Variants in SEMA4C observed in about 807,000 individuals in gnomAD.
SEMA4C encodes the protein semaphorin-4C.
In SEMA4C, 19 loss-of-function variants were observed where a neutral mutation model predicts 89.0. That is an observed-to-expected ratio of 0.21 (90% CI 0.15 to 0.31). SEMA4C has a LOEUF of 0.31. Among genes scored for constraint, SEMA4C ranks in the 10% least tolerant of loss-of-function variants. The pLI is 1.00. For synonymous variants in SEMA4C, 428 were observed against 472.7 expected (o/e 0.91, Z 1.23); for missense variants, 811 against 1,107.0 (o/e 0.73, Z 3.79).
intron 5 of SEMA4C, 40 bp from the exon 6 acceptor site, chr2:96,865,577 G>A: frequency 6.2e-7 from 1 of 1,602,654 alleles, no homozygotes; most frequent in South Asian, 1.1e-5. Flanking sequence ...ATGCTTAAGG[G>A]CAGGGCTCTG....
At position 96,861,684 on chromosome 2, in the gene SEMA4C, C is replaced by T. The variant is rs1231116503; in HGVS notation, c.1602-35G>A. The T allele has an allele frequency of 6.3e-7, 1 of 1,597,254 alleles. No homozygotes were observed. The highest frequency in any genetic ancestry group is 1.1e-5 in the South Asian group (1 of 89,340). ...GATGTAGGGTACATCAGCAGCCTGG[C>T]TCCAACCACCCTGAGTCCCTGGAGG... On this transcript the variant is annotated intron_variant, in intron 13 of 14. Transcript: ENST00000305476. This position sits in a 1 kb window ranked among gnomAD's most constrained non-coding sequence, Gnocchi z 7.8.
upstream of SEMA4C, chr2:96,870,134 G>C (rs1004050230): frequency 4.7e-5 from 46 of 974,764 alleles, no homozygotes; most frequent in Non-Finnish European, 4.5e-5. Flanking sequence ...TGGGGGGGTC[G>C]AGCGGAGGCC....
chr2:96,864,127 G>A lies in SEMA4C; in HGVS notation c.1129C>T (p.Arg377Cys), dbSNP rs769799385. The change falls in exon 11 of 15, where the codon CGC becomes TGC. Residue 377 changes from arginine (R) to cysteine (C), a missense_variant. Coordinates refer to ENST00000305476, the MANE Select transcript of SEMA4C (RefSeq NM_017789.5). This position sits in a 1 kb window ranked among gnomAD's most constrained non-coding sequence, Gnocchi z 6.3. Reference protein sequence around the residue: ...PGSCINNWHRRHGYTSSLELP... With the variant: ...PGSCINNWHRCHGYTSSLELP... ...TCCAGGGAGCTGGTGTAGCCGTGGC[G>A]CCGATGCCAGTTGTTAATGCACTGG... is the stretch of plus-strand genomic sequence containing the variant. 4.3e-6 allele frequency: 7 copies of A among 1,612,670 alleles called. No individual in the cohort carries two copies. Among genetic ancestry groups the A allele is most frequent in the Admixed American group, 1.7e-5 (1 of 60,010 alleles).
At chr2:96,867,295 C>T (rs574264821) in intron 2 of SEMA4C, among the ~76,000 whole-genome samples, 3 of 152,206 alleles carry the variant, frequency 2.0e-5, no homozygotes, top group Non-Finnish European at 4.4e-5. Context: ...CCTGACATCA[C>T]CTTTCACACG....
chr2:96,867,828 C>T lies in SEMA4C; in HGVS notation c.59G>A (p.Gly20Glu). 1 of 1,613,746 alleles carries T rather than the reference C, an allele frequency of 6.2e-7. No individual in the cohort carries two copies. The highest frequency in any genetic ancestry group is 8.5e-7 in the Non-Finnish European group (1 of 1,179,964). The change falls in exon 2 of 15, where the codon GGG becomes GAG. Residue 20 changes from glycine (G) to glutamate (E), a missense_variant. This residue lies in a region of SEMA4C where 119 missense variants were observed against 152.7 expected (regional missense o/e 0.78). Transcript: ENST00000305476. ...LAARLWGLGI[G>E]AEVWWNLVPR... ...CACAAGGTTCCACCACACCTCAGCCCCAATGCCCAGGCCCCACAGCCTTGC... is the reference window on the plus strand; with the variant it reads ...CACAAGGTTCCACCACACCTCAGCCTCAATGCCCAGGCCCCACAGCCTTGC...
At position 96,865,555 on chromosome 2, in the gene SEMA4C, G is replaced by A. The variant is rs373516108; in HGVS notation, c.421-18C>T. The A allele has an allele frequency of 9.9e-6, 16 of 1,611,824 alleles. No individual in the cohort carries two copies. The African/African-American group carries it at 2.1e-4, about 21-fold the overall frequency. On this transcript the variant is annotated intron_variant, in intron 5 of 14. Transcript: ENST00000305476. The stretch of plus-strand genomic sequence containing the variant: ...AGCATGTTCTAAGGACAGAGAGAGA[G>A]GTGATGAGGAGATGCTTAAGGGCAG...
Position 96,860,569 on chromosome 2 carries a change from G to A in SEMA4C, c.*57C>T. The A allele has an allele frequency of 1.3e-6, 2 of 1,483,390 alleles. No individual in the cohort carries two copies. Among genetic ancestry groups the A allele is most frequent in the East Asian group, 2.3e-5 (1 of 44,020 alleles). 91.9% of individuals were successfully genotyped at this position (1,483,390 alleles called of 1,614,324 possible). ...CATGTCCCTGAGGTAGCTGGTGCCT[G>A]TGCAAAAGTAGGAGCTACACCTCCC... On this transcript the variant is annotated 3_prime_UTR_variant, in exon 15 of 15. Coordinates refer to ENST00000305476, the MANE Select transcript of SEMA4C (RefSeq NM_017789.5).
chr2:96,866,651 G>A (rs1379732299), intron 2 of SEMA4C: 2 of 699,792 alleles, frequency 2.9e-6, no homozygotes. Context: ...CAGGCTGCTG[G>A]GAGGAAGGAA....
chr2:96,864,580 C>T lies in SEMA4C; in HGVS notation c.962+125G>A. 2.2e-6 allele frequency: 3 copies of T among 1,379,370 alleles called. No homozygotes were observed. The highest frequency in any genetic ancestry group is 3.0e-6 in the Non-Finnish European group (3 of 1,012,228). 85.4% of individuals were successfully genotyped at this position (1,379,370 alleles called of 1,614,324 possible). On this transcript the variant is annotated intron_variant, in intron 9 of 14. Transcript: ENST00000305476. This position sits in a 1 kb window ranked among gnomAD's most constrained non-coding sequence, Gnocchi z 6.3. ...TGAAAGGGGCAGGTGCCAGCATTCT[C>T]CTTGGCTTCTGGACACCTGGCTTCC...
In SEMA4C at chr2:96,861,917, GA is replaced by G; in HGVS notation, c.1444-24del. 1 of 1,587,588 alleles carries G rather than the reference GA, an allele frequency of 6.3e-7. No individual in the cohort carries two copies. Among genetic ancestry groups the G allele is most frequent in the Non-Finnish European group, 8.6e-7 (1 of 1,168,048 alleles). On this transcript the variant is annotated intron_variant, in intron 12 of 14. Transcript: ENST00000305476. This position sits in a 1 kb window ranked among gnomAD's most constrained non-coding sequence, Gnocchi z 7.8. The stretch of plus-strand genomic sequence containing the variant: ...CTTCTGCGAGAAAAGCGGGGCGCAG[GA>G]GGGGGGTCGGCCAGGGCCACACCAC...
chr2:96,869,501 C>A (rs2080160021), intron 1 of SEMA4C: 2 of 985,316 alleles, frequency 2.0e-6, no homozygotes, highest in South Asian at 4.7e-5. Flanking sequence ...GCAGGGAAAT[C>A]CGATCCCACA....
rs978374370 is a variant in SEMA4C at position 96,864,923 on chromosome 2, C to T, written c.786+41G>A. On this transcript the variant is annotated intron_variant, in intron 8 of 14. Transcript: ENST00000305476. This position sits in a 1 kb window ranked among gnomAD's most constrained non-coding sequence, Gnocchi z 6.3. ...GACACTGCCGGTCAGCCCCGCTGGG[C>T]CAGCAGGGCTCCCAGGGCCCACCGC... 5.0e-6 allele frequency: 8 copies of T among 1,610,320 alleles called. No homozygotes were observed. The highest frequency in any genetic ancestry group is 2.7e-5 in the African/African-American group (2 of 74,908).
rs2080014761 is a variant in SEMA4C at position 96,864,137 on chromosome 2, G to GT, written c.1118dup (p.Asn373LysfsTer60). On this transcript the variant is annotated frameshift_variant, in exon 11 of 15. Transcript: ENST00000305476. LOFTEE classifies it high-confidence loss of function. This position sits in a 1 kb window ranked among gnomAD's most constrained non-coding sequence, Gnocchi z 6.3. ...TGGTGTAGCCGTGGCGCCGATGCCA[G>GT]TTGTTAATGCACTGGGGGCAGGGTG... 1 of 1,612,708 alleles carries GT rather than the reference G, an allele frequency of 6.2e-7. No individual in the cohort carries two copies. The highest frequency in any genetic ancestry group is 1.3e-5 in the African/African-American group (1 of 74,832).
At position 96,864,436 on chromosome 2, in the gene SEMA4C, C is replaced by A; in HGVS notation, c.963-54G>T. Reference sequence around the variant, plus strand: ...AGGTACCCACCTTATCTCTTCCCACCCCAGCTAAGGGCAAGCAGCAGGAAG... The same window carrying A: ...AGGTACCCACCTTATCTCTTCCCACACCAGCTAAGGGCAAGCAGCAGGAAG... On this transcript the variant is annotated intron_variant, in intron 9 of 14. Transcript: ENST00000305476. The surrounding 1 kb of genome is among the most constrained non-coding windows in gnomAD (Gnocchi z 6.3). 6.2e-7 allele frequency: 1 copy of A among 1,604,054 alleles called. No homozygotes were observed. Among genetic ancestry groups the A allele is most frequent in the Non-Finnish European group, 8.5e-7 (1 of 1,177,638 alleles).
At position 96,866,271 on chromosome 2, in the gene SEMA4C, C is replaced by T. The variant is rs1225894966; in HGVS notation, c.258+12G>A. 3 of 1,601,858 alleles carry T rather than the reference C, an allele frequency of 1.9e-6. No individual in the cohort carries two copies. Among genetic ancestry groups the T allele is most frequent in the Non-Finnish European group, 2.6e-6 (3 of 1,171,494 alleles). ...GGCAGGCCCGACTGCCTCCCACTGC[C>T]CCACCTCTCACCGCTCCTTGCAGCT... On this transcript the variant is annotated intron_variant, in intron 3 of 14. Coordinates refer to ENST00000305476, the MANE Select transcript of SEMA4C (RefSeq NM_017789.5).
rs760674199 is a variant in SEMA4C at position 96,861,597 on chromosome 2, G to A, written c.1654C>T (p.Leu552Phe). 9.5e-6 allele frequency: 15 copies of A among 1,584,812 alleles called. No homozygotes were observed. The Admixed American group carries it at 2.4e-4, about 25-fold the overall frequency. ...MTSDTSGICN[L>F]RGSKKVRPTP... ...AGCTCACCTTTCTTACTGCCACGGAGGTTGCAGATGCCTGAAGTGTCCGAG... is the reference window on the plus strand; with the variant it reads ...AGCTCACCTTTCTTACTGCCACGGAAGTTGCAGATGCCTGAAGTGTCCGAG... Residue 552 changes from leucine (L) to phenylalanine (F), a missense_variant, in exon 14 of 15, where the codon CTC becomes TTC. Transcript: ENST00000305476. The surrounding 1 kb of genome is among the most constrained non-coding windows in gnomAD (Gnocchi z 7.8).
In SEMA4C at chr2:96,860,984, G is replaced by A. The variant is rs1177738939; in HGVS notation, c.2144C>T (p.Pro715Leu). 1 of 1,612,960 alleles carries A rather than the reference G, an allele frequency of 6.2e-7. No homozygotes were observed. Among genetic ancestry groups the A allele is most frequent in the Admixed American group, 1.7e-5 (1 of 60,032 alleles). ...LVYPLELPKE[P>L]TSPPFRPCPE... Reference sequence around the variant, plus strand: ...ACAGGGCCGGAAGGGGGGACTGGTGGGCTCCTTGGGCAGCTCCAGGGGGTA... The same window carrying A: ...ACAGGGCCGGAAGGGGGGACTGGTGAGCTCCTTGGGCAGCTCCAGGGGGTA... The change falls in exon 15 of 15, where the codon CCC (proline) becomes CTC (leucine). Residue 715 changes from proline (P) to leucine (L), a missense_variant. Transcript: ENST00000305476.
Position 96,861,149 on chromosome 2 carries a change from T to C in SEMA4C, c.1979A>G (p.Glu660Gly), listed in dbSNP as rs1173601163. ...SVTLEARAPL[E>G]NLGLVWLAVV... Reference sequence around the variant, plus strand: ...CGCCAGCCACACCAGCCCCAGGTTTTCCAGGGGGGCCCGGGCCTCCAAGGT... The same window carrying C: ...CGCCAGCCACACCAGCCCCAGGTTTCCCAGGGGGGCCCGGGCCTCCAAGGT... Residue 660 changes from glutamate (E) to glycine (G), a missense_variant, in exon 15 of 15, where the codon GAA becomes GGA. Physicochemically the swap from Glu to Gly is moderately conservative, Grantham distance 98. Coordinates refer to ENST00000305476, the MANE Select transcript of SEMA4C (RefSeq NM_017789.5). The surrounding 1 kb of genome is among the most constrained non-coding windows in gnomAD (Gnocchi z 7.8). The C allele has an allele frequency of 2.5e-6, 4 of 1,611,000 alleles. No homozygotes were observed. Among genetic ancestry groups the C allele is most frequent in the Non-Finnish European group, 2.5e-6 (3 of 1,179,588 alleles).
At chr2:96,869,527 C>T in intron 1 of SEMA4C, 2 of 985,284 alleles carry the variant, frequency 2.0e-6, no homozygotes, top group Non-Finnish European at 2.4e-6. Flanking sequence ...GGCCTCCCTC[C>T]AAGCCCGCCC....
Sources: allele counts gnomAD v4.1 joint callset (sites outside exome capture counted in the v4.1 genomes callset), GRCh38; gene constraint gnomAD v4.1.1; regional missense constraint gnomAD v4.1.1; non-coding constraint Gnocchi (gnomAD v3.1); transcripts MANE v1.5; gene names NCBI Gene and HGNC (gene_info 2026-07-23, HGNC 2026-07-21).